The following NRXN3 variants were observed in gnomAD, a reference collection of about 807,000 sequenced individuals.
NRXN3 encodes the protein neurexin 3, also known as neurexin III.
In NRXN3, 32 loss-of-function variants were observed where a neutral mutation model predicts 137.6. The observed-to-expected ratio is 0.23, with a 90% CI of 0.18 to 0.31. NRXN3 has a LOEUF of 0.31. Among genes scored for constraint, NRXN3 ranks in the 10% least tolerant of loss-of-function variants. NRXN3 has a pLI of 1.00. For synonymous variants in NRXN3, 798 were observed against 784.5 expected, an observed-to-expected ratio of 1.02 and a Z score of -0.29; for missense variants, 1,574 against 2,062.5, an observed-to-expected ratio of 0.76 and a Z score of 4.59.
intron 10 of NRXN3, among the ~76,000 whole-genome samples, chr14:78,855,489 C>G (rs2099054590): frequency 6.6e-6 from 1 of 152,122 alleles, no homozygotes; most frequent in East Asian, 1.9e-4. Context: ...TGTGTTATAC[C>G]TGTGTTTTCC....
chr14:79,393,168 C>G (rs1202773332), intron 15 of NRXN3, among the ~76,000 whole-genome samples: 3 of 151,888 alleles, frequency 2.0e-5, no homozygotes, highest in Non-Finnish European at 4.4e-5. Flanking sequence ...AGGGTGAAGT[C>G]TTTGCTCACA....
At chr14:78,549,595 G>A (rs1012745737) in intron 4 of NRXN3, among the ~76,000 whole-genome samples, 5 of 152,174 alleles carry the variant, frequency 3.3e-5, no homozygotes, top group African/African-American at 1.2e-4. Flanking sequence ...TGGTGCACAG[G>A]TGACCCCAGT....
intron 10 of NRXN3, among the ~76,000 whole-genome samples, chr14:78,931,279 G>A (rs562517749): frequency 1.3e-5 from 2 of 152,256 alleles, no homozygotes; most frequent in South Asian, 4.2e-4. Flanking sequence ...TGGGGAGCAG[G>A]TTGGTTGTTG....
At chr14:78,287,853 G>A (rs1158113521) in intron 3 of NRXN3, among the ~76,000 whole-genome samples, 8 of 151,792 alleles carry the variant, frequency 5.3e-5, no homozygotes, top group Non-Finnish European at 1.0e-4. Context: ...TTTCTTCCAG[G>A]TCATTGTTCT....
chr14:79,295,382 T>C (rs1395936496), intron 15 of NRXN3, among the ~76,000 whole-genome samples: 1 of 152,060 alleles, frequency 6.6e-6, no homozygotes, highest in African/African-American at 2.4e-5. Flanking sequence ...AGGATCAAGA[T>C]TATATGAAAA....
intron 14 of NRXN3, among the ~76,000 whole-genome samples, chr14:78,982,038 G>A (rs527485949): frequency 9.9e-5 from 15 of 152,054 alleles, no homozygotes; most frequent in Non-Finnish European, 1.9e-4. Flanking sequence ...AAGAGTTCTT[G>A]TCAGCATCTG....
intron 10 of NRXN3, among the ~76,000 whole-genome samples, chr14:78,881,446 C>A (rs530264907): frequency 6.6e-6 from 1 of 151,696 alleles, no homozygotes; most frequent in African/African-American, 2.4e-5. Context: ...CAATGAAGTC[C>A]AAACTGAGGT....
intron 15 of NRXN3, among the ~76,000 whole-genome samples, chr14:78,989,276 C>T (rs2099513701): frequency 6.6e-6 from 1 of 152,086 alleles, no homozygotes; most frequent in African/African-American, 2.4e-5. Flanking sequence ...AATGCTATGC[C>T]CCCCAGATCT....
At chr14:79,822,539 A>C (rs2141064932) in intron 20 of NRXN3, among the ~76,000 whole-genome samples, 1 of 152,272 alleles carries the variant, frequency 6.6e-6, no homozygotes, top group South Asian at 2.1e-4. Flanking sequence ...GGCATTGAAA[A>C]CAAACATCCG....
At chr14:79,565,357 A>G (rs1953499859) in intron 16 of NRXN3, among the ~76,000 whole-genome samples, 1 of 149,986 alleles carries the variant, frequency 6.7e-6, no homozygotes, top group Non-Finnish European at 1.5e-5. Flanking sequence ...GCGTATATGT[A>G]TACACACACA....
chr14:79,639,099 C>T (rs1254107181), intron 16 of NRXN3, among the ~76,000 whole-genome samples: 1 of 152,046 alleles, frequency 6.6e-6, no homozygotes, highest in Non-Finnish European at 1.5e-5. Context: ...CCGTCTTACC[C>T]ACACCTAGAG....
intron 15 of NRXN3, among the ~76,000 whole-genome samples, chr14:79,183,704 C>T (rs960598376): frequency 1.1e-4 from 17 of 152,144 alleles, no homozygotes; most frequent in African/African-American, 3.9e-4. Flanking sequence ...TGTCTCTTAC[C>T]GCCAAAGCCC....
In NRXN3 at chr14:78,752,047, C is replaced by T. The variant is rs548615652; in HGVS notation, c.2044+36908C>T. On this transcript the variant is annotated intron_variant, in intron 8 of 20. Coordinates refer to ENST00000335750, the MANE Select transcript of NRXN3 (RefSeq NM_001330195.2). The stretch of plus-strand genomic sequence containing the variant: ...ACCGAAGTCACCAATGGCAAGTGTT[C>T]GTGTATTTGTGACATTCCTTGGGAA... 3.6e-4 allele frequency among the ~76,000 whole-genome samples: 55 copies of T among 152,268 alleles called. 1 individual carries two copies. Among genetic ancestry groups the T allele is most frequent in the African/African-American group, 8.7e-4 (36 of 41,562 alleles).
intron 16 of NRXN3, among the ~76,000 whole-genome samples, chr14:79,565,253 A>G (rs529506565): frequency 3.1e-3 from 97 of 31,070 alleles, no homozygotes; most frequent in African/African-American, 0.013. Context: ...GTGTGTATAT[A>G]TACATATACA....
intron 15 of NRXN3, among the ~76,000 whole-genome samples, chr14:79,235,954 T>C (rs903688693): frequency 6.6e-6 from 1 of 152,162 alleles, no homozygotes; most frequent in East Asian, 1.9e-4. Context: ...AGAATTAACA[T>C]ATCTAATTAT....
intron 15 of NRXN3, among the ~76,000 whole-genome samples, chr14:79,448,250 C>T (rs1388144446): frequency 3.3e-5 from 5 of 152,300 alleles, no homozygotes; most frequent in African/African-American, 1.2e-4. Context: ...GGGCATTCTC[C>T]CTCTCTGCAC....
intron 4 of NRXN3, among the ~76,000 whole-genome samples, chr14:78,502,580 A>T (rs140054291): frequency 5.3e-5 from 8 of 152,282 alleles, no homozygotes; most frequent in Non-Finnish European, 1.0e-4. Context: ...ACAAGTCTTG[A>T]TAAAATAATT....
chr14:79,797,464 T>G (rs555152584), intron 19 of NRXN3, among the ~76,000 whole-genome samples: 1 of 152,280 alleles, frequency 6.6e-6, no homozygotes, highest in South Asian at 2.1e-4. Context: ...AGATAGTATC[T>G]TAACAAGACT....
chr14:79,400,425 A>G (rs2095160010), intron 15 of NRXN3, among the ~76,000 whole-genome samples: 1 of 152,208 alleles, frequency 6.6e-6, no homozygotes, highest in African/African-American at 2.4e-5. Flanking sequence ...ATTCAATCTT[A>G]TCCTCACAAC....
Sources: allele counts gnomAD v4.1 joint callset (sites outside exome capture counted in the v4.1 genomes callset), GRCh38; gene constraint gnomAD v4.1.1; transcripts MANE v1.5; gene names NCBI Gene and HGNC (gene_info 2026-07-23, HGNC 2026-07-21).